The following CCNH variants were observed in gnomAD, a reference collection of about 807,000 sequenced individuals.
CCNH encodes cyclin-H.
A neutral mutation model predicts 41.9 loss-of-function variants in CCNH; 31 were observed. The ratio of observed to expected loss-of-function variants is 0.74; its 90% confidence interval spans 0.56 to 1.00. The LOEUF (loss-of-function observed/expected upper bound fraction) is 1.00, where lower values mean the gene tolerates loss of function less well. CCNH is among the 50% of genes least tolerant of loss of function. The pLI is 0.00. For missense variants in CCNH, 362 were observed against 388.4 expected (o/e 0.93, Z 0.57); for synonymous variants, 138 against 136.1 (o/e 1.01, Z -0.10).
exon 1 of CCNH, chr5:87,376,358 T>C: frequency 6.2e-7 from 1 of 1,610,592 alleles, no homozygotes; most frequent in Non-Finnish European, 8.5e-7. Context: ...TCGTGTTCTC[T>C]TTTTAAACAA....
At chr5:87,385,440 A>G (rs769055818) in intron 9 of CCNH, 1 of 1,350,914 alleles carries the variant, frequency 7.4e-7, no homozygotes, top group South Asian at 1.2e-5. Flanking sequence ...CAAGTTTGAC[A>G]TGATAAAACC....
chr5:87,389,342 A>C (rs368163597), downstream of CCNH: 595 of 1,600,856 alleles, frequency 3.7e-4, no homozygotes, highest in Non-Finnish European at 4.8e-4. Context: ...AAAAAAAACA[A>C]AAAAAAAGAA....
At position 87,383,113 on chromosome 5, in the gene CCNH, G is replaced by C. The variant is rs1263033010; in HGVS notation, c.*90+9657C>G. On this transcript the variant is annotated intron_variant and NMD_transcript_variant, in intron 9 of 9. Transcript: ENST00000645953. ...TATCTCAAAGAAAACAAAGAAAAAAGGAAAAAAGAAAACCTTTCCAGTGTT... is the reference window on the plus strand; with the variant it reads ...TATCTCAAAGAAAACAAAGAAAAAACGAAAAAAGAAAACCTTTCCAGTGTT... 3.3e-5 allele frequency among the ~76,000 whole-genome samples: 5 copies of C among 151,504 alleles called. No homozygotes were observed. In the South Asian group the frequency reaches 6.3e-4, roughly 19 times the overall value.
chr5:87,347,192 C>T (rs1232876168), intron 9 of CCNH, among the ~76,000 whole-genome samples: 1 of 152,020 alleles, frequency 6.6e-6, no homozygotes, highest in East Asian at 1.9e-4. Context: ...TTCAGTAGAA[C>T]GATATTGTAT....
intron 9 of CCNH, among the ~76,000 whole-genome samples, chr5:87,386,427 C>G (rs1762065671): frequency 6.6e-6 from 1 of 151,894 alleles, no homozygotes; most frequent in South Asian, 2.1e-4. Context: ...TATTTTAATT[C>G]CCTGTAATCT....
upstream of CCNH, among the ~76,000 whole-genome samples, chr5:87,378,764 T>C (rs945749246): frequency 1.3e-5 from 2 of 152,146 alleles, no homozygotes; most frequent in African/African-American, 4.8e-5. Context: ...GCACCAGAAA[T>C]TCATGAAAAT....
In CCNH at chr5:87,331,183, C is replaced by CT. The variant is rs1197367761; in HGVS notation, c.*91-12287dup. ...CCAAGTAAATGAGTATTTTTTGAGACTGAGGTTAAATTGAGTTAAAATTGG... is the reference window on the plus strand; with the variant it reads ...CCAAGTAAATGAGTATTTTTTGAGACTTGAGGTTAAATTGAGTTAAAATTGG... On this transcript the variant is annotated intron_variant and NMD_transcript_variant, in intron 9 of 9. Transcript: ENST00000645953. The CT allele has an allele frequency of 5.2e-6, 5 of 954,670 alleles. No homozygotes were observed. In the Admixed American group the frequency reaches 5.5e-5, roughly 11 times the overall value. The allele number at this position is 954,670 out of a possible 1,614,324, so 59.1% of individuals were successfully genotyped here.
At chr5:87,377,753 C>A (rs796272346), upstream of CCNH, among the ~76,000 whole-genome samples, 8 of 152,250 alleles carry the variant, frequency 5.3e-5, no homozygotes, top group African/African-American at 1.7e-4. Flanking sequence ...CCACCCTCCC[C>A]CTGGCCCACA....
chr5:87,411,361 T>G lies in CCNH; in HGVS notation c.118-15A>C. The G allele has an allele frequency of 6.3e-7, 1 of 1,594,156 alleles. No individual in the cohort carries two copies. Among genetic ancestry groups the G allele is most frequent in the Non-Finnish European group, 8.5e-7 (1 of 1,172,706 alleles). On this transcript the variant is annotated splice_polypyrimidine_tract_variant and intron_variant, in intron 1 of 8. Coordinates refer to ENST00000256897, the MANE Select transcript of CCNH (RefSeq NM_001239.4). ...TTCGGAAGAACCTTTAGATCAACAA[T>G]TACAACACAAGTTCAATGAATTCAA...
chr5:87,344,992 CTG>C (rs1758749253), intron 9 of CCNH, among the ~76,000 whole-genome samples: 2 of 152,090 alleles, frequency 1.3e-5, no homozygotes, highest in South Asian at 4.1e-4. Context: ...ATACCTATCA[CTG>C]TGCTTATTAT....
chr5:87,374,047 AAAG>A, downstream of CCNH: 6 of 941,176 alleles, frequency 6.4e-6, no homozygotes, highest in Non-Finnish European at 8.2e-6. Flanking sequence ...TTCTGAAAAA[AAAG>A]GGGAAAATAA....
At position 87,408,051 on chromosome 5, in the gene CCNH, A is replaced by C; in HGVS notation, c.450T>G (p.Leu150=). 6.2e-7 allele frequency: 1 copy of C among 1,613,756 alleles called. No individual in the cohort carries two copies. Among genetic ancestry groups the C allele is most frequent in the Non-Finnish European group, 8.5e-7 (1 of 1,179,636 alleles). ...LEQILEYELL[L]IQQLNFHLIV... is the part of the protein sequence containing the mutation. ...TAAGGTGGAAATTAAGTTGCTGTAT[A>C]AGAAGTAGTTCATATTCCAGTATCT... is the stretch of plus-strand genomic sequence containing the variant. The change falls in exon 4 of 9, where the codon CTT becomes CTG. Residue 150 remains leucine (L), a synonymous_variant. Coordinates refer to ENST00000256897, the MANE Select transcript of CCNH (RefSeq NM_001239.4).
At chr5:87,376,524 G>T in exon 1 of CCNH, 1 of 1,613,946 alleles carries the variant, frequency 6.2e-7, no homozygotes, top group Non-Finnish European at 8.5e-7. Flanking sequence ...ATACTCTATG[G>T]AAAAAATCAT....
At chr5:87,316,238 C>T (rs551665195), downstream of CCNH, among the ~76,000 whole-genome samples, 4 of 152,268 alleles carry the variant, frequency 2.6e-5, no homozygotes, top group South Asian at 6.2e-4. Context: ...CTAAGATGTT[C>T]TTGCTATGGT....
chr5:87,355,955 G>A (rs1759617157), intron 9 of CCNH, among the ~76,000 whole-genome samples: 1 of 152,194 alleles, frequency 6.6e-6, no homozygotes, highest in Non-Finnish European at 1.5e-5. Context: ...AGATGTGACT[G>A]AATTACTCCA....
At chr5:87,339,513 T>G (rs1758284667) in intron 9 of CCNH, among the ~76,000 whole-genome samples, 1 of 152,196 alleles carries the variant, frequency 6.6e-6, no homozygotes, top group African/African-American at 2.4e-5. Flanking sequence ...TTCTCCATCC[T>G]GATTACTTCA....
At chr5:87,374,220 A>G (rs1314624861), downstream of CCNH, 1 of 1,591,124 alleles carries the variant, frequency 6.3e-7, no homozygotes, top group Non-Finnish European at 8.6e-7. Context: ...AAAACATTTT[A>G]CTAATCCATA....
intron 9 of CCNH, among the ~76,000 whole-genome samples, chr5:87,382,225 A>C (rs542979419): frequency 5.7e-4 from 87 of 152,320 alleles, no homozygotes; most frequent in African/African-American, 1.7e-3. Context: ...GTGTTGGATT[A>C]CAGGCATGAG....
intron 9 of CCNH, among the ~76,000 whole-genome samples, chr5:87,351,226 C>G (rs1165165510): frequency 6.6e-6 from 1 of 150,746 alleles, no homozygotes; most frequent in Non-Finnish European, 1.5e-5. Flanking sequence ...TTTAATTCAG[C>G]AGCCATTTAT....
Sources: allele counts gnomAD v4.1 joint callset (sites outside exome capture counted in the v4.1 genomes callset), GRCh38; gene constraint gnomAD v4.1.1; transcripts MANE v1.5; gene names NCBI Gene and HGNC (gene_info 2026-07-23, HGNC 2026-07-21).